DRC11: variants seen among roughly 807,000 people sequenced by gnomAD.
The protein encoded by DRC11 is dynein regulatory complex subunit 11.
the DRC11 span, among the ~76,000 whole-genome samples, chr2:236,448,683 G>T: frequency 3.3e-5 from 5 of 151,918 alleles, no homozygotes; most frequent in Non-Finnish European, 4.4e-5. The surrounding 1 kb of genome is among the most constrained non-coding windows in gnomAD (Gnocchi z 5.3). Flanking sequence ...CTCTGAGGAG[G>T]AGGCCTCCGG....
chr2:236,456,175 T>A, the DRC11 span, among the ~76,000 whole-genome samples: 2 of 152,244 alleles, frequency 1.3e-5, no homozygotes, highest in African/African-American at 4.8e-5. This position sits in a 1 kb window ranked among gnomAD's most constrained non-coding sequence, Gnocchi z 5.4. Context: ...TTAACATGAT[T>A]ACTGAGGGTG....
chr2:236,391,945 G>T, the DRC11 span: 1 of 1,579,072 alleles, frequency 6.3e-7, no homozygotes. The surrounding 1 kb of genome is among the most constrained non-coding windows in gnomAD (Gnocchi z 4.5). Context: ...CCGCTCCACC[G>T]CACCCCTCTG....
chr2:236,459,196 G>A, the DRC11 span, among the ~76,000 whole-genome samples: 47 of 152,072 alleles, frequency 3.1e-4, no homozygotes, highest in African/African-American at 1.0e-3. Context: ...AAATGACTGG[G>A]CATTTTACAA....
the DRC11 span, chr2:236,493,804 T>C: frequency 2.9e-5 from 47 of 1,607,718 alleles, no homozygotes; most frequent in East Asian, 4.5e-5. Context: ...CCGCTAATAT[T>C]TGAGCAAGAA....
At chr2:236,487,937 T>G in the DRC11 span, 90 of 1,134,254 alleles carry the variant, frequency 7.9e-5, no homozygotes, top group Non-Finnish European at 9.9e-5. Context: ...GCCCCAAAAT[T>G]GAGATGTATC....
chr2:236,358,386 AT>A, the DRC11 span, among the ~76,000 whole-genome samples: 57 of 132,534 alleles, frequency 4.3e-4, no homozygotes, highest in Non-Finnish European at 8.0e-4. Context: ...TATATTTATG[AT>A]ATATGAATAT....
chr2:236,489,891 T>C, the DRC11 span, among the ~76,000 whole-genome samples: 3 of 152,184 alleles, frequency 2.0e-5, no homozygotes, highest in Non-Finnish European at 4.4e-5. Flanking sequence ...TGCCACTGCA[T>C]TGTGGCTTGG....
At chr2:236,367,731 A>T in the DRC11 span, 1 of 178,052 alleles carries the variant, frequency 5.6e-6, no homozygotes, top group Non-Finnish European at 1.2e-5. This position sits in a 1 kb window ranked among gnomAD's most constrained non-coding sequence, Gnocchi z 4.8. Context: ...CTCATTTAGC[A>T]GTGAGAGTAG....
At chr2:236,357,820 A>C in the DRC11 span, among the ~76,000 whole-genome samples, 125 of 126,350 alleles carry the variant, frequency 9.9e-4, no homozygotes, top group Non-Finnish European at 1.6e-3. Context: ...GAATATATAA[A>C]TATACATATA....
chr2:236,419,227 G>GT, the DRC11 span: 6 of 1,532,714 alleles, frequency 3.9e-6, no homozygotes, highest in Admixed American at 4.1e-5. This position sits in a 1 kb window ranked among gnomAD's most constrained non-coding sequence, Gnocchi z 4.8. Context: ...TCTTCTTTTT[G>GT]TTTTTTTCTT....
At chr2:236,394,338 A>G in the DRC11 span, among the ~76,000 whole-genome samples, 1 of 152,290 alleles carries the variant, frequency 6.6e-6, no homozygotes, top group East Asian at 1.9e-4. The surrounding 1 kb of genome is among the most constrained non-coding windows in gnomAD (Gnocchi z 7.0). Flanking sequence ...CAGTTTTCAA[A>G]AAGAGTGGGT....
chr2:236,463,091 A>G, the DRC11 span, among the ~76,000 whole-genome samples: 1 of 152,194 alleles, frequency 6.6e-6, no homozygotes, highest in Non-Finnish European at 1.5e-5. This position sits in a 1 kb window ranked among gnomAD's most constrained non-coding sequence, Gnocchi z 5.0. Flanking sequence ...AGAATATGGT[A>G]TTTTAAAGAA....
chr2:236,350,058 C>T, the DRC11 span, among the ~76,000 whole-genome samples: 53 of 152,284 alleles, frequency 3.5e-4, no homozygotes, highest in Admixed American at 1.6e-3. This position sits in a 1 kb window ranked among gnomAD's most constrained non-coding sequence, Gnocchi z 5.2. Flanking sequence ...AGTATTTCAG[C>T]GTTAACTTTT....
chr2:236,474,292 C>T, the DRC11 span, among the ~76,000 whole-genome samples: 1 of 152,010 alleles, frequency 6.6e-6, no homozygotes, highest in Non-Finnish European at 1.5e-5. Flanking sequence ...AACTGTATTG[C>T]TGAAAAAATT....
the DRC11 span, among the ~76,000 whole-genome samples, chr2:236,364,130 C>T: frequency 6.6e-6 from 1 of 152,180 alleles, no homozygotes; most frequent in Admixed American, 6.5e-5. Flanking sequence ...CAGAGACACG[C>T]CTCCATCCCA....
At chr2:236,344,143 C>T in the DRC11 span, among the ~76,000 whole-genome samples, 7 of 152,090 alleles carry the variant, frequency 4.6e-5, no homozygotes, top group East Asian at 1.9e-4. Context: ...CCTGGAGGCC[C>T]GAATGTGGTG....
At chr2:236,459,335 A>G in the DRC11 span, among the ~76,000 whole-genome samples, 870 of 152,080 alleles carry the variant, frequency 5.7e-3, 18 homozygotes, top group Admixed American at 0.046. Flanking sequence ...ATCATAATCA[A>G]TTAATTAACT....
At chr2:236,351,506 A>C in the DRC11 span, among the ~76,000 whole-genome samples, 1 of 152,202 alleles carries the variant, frequency 6.6e-6, no homozygotes, top group African/African-American at 2.4e-5. This position sits in a 1 kb window ranked among gnomAD's most constrained non-coding sequence, Gnocchi z 7.3. Flanking sequence ...AAGGGGTCAG[A>C]AAAGTGCACG....
the DRC11 span, among the ~76,000 whole-genome samples, chr2:236,459,552 C>CGTATACGTATAT: frequency 8.8e-6 from 1 of 113,878 alleles, no homozygotes; most frequent in Non-Finnish European, 1.9e-5. Flanking sequence ...TATACGTATA[C>CGTATACGTATAT]ATGTATACGT....
Sources: allele counts gnomAD v4.1 joint callset (sites outside exome capture counted in the v4.1 genomes callset), GRCh38; gene constraint gnomAD v4.1.1; non-coding constraint Gnocchi (gnomAD v3.1); transcripts MANE v1.5; gene names NCBI Gene and HGNC (gene_info 2026-07-23, HGNC 2026-07-21).